Variants in FSTL5 observed in about 807,000 individuals in gnomAD.
The protein encoded by FSTL5 is follistatin like 5.
In FSTL5, 62 loss-of-function variants were observed where a neutral mutation model predicts 89.1. The ratio of observed to expected loss-of-function variants is 0.70; its 90% CI spans 0.57 to 0.86. The LOEUF is 0.86. FSTL5 is among the 40% of genes least tolerant of loss of function. FSTL5 has a pLI of 0.00. For missense variants in FSTL5, 1,057 were observed against 1,001.6 expected, an observed-to-expected ratio of 1.06 and a Z score of -0.75; for synonymous variants, 383 against 346.2, an observed-to-expected ratio of 1.11 and a Z score of -1.18.
At chr4:161,783,494 T>C (rs1741742132) in intron 4 of FSTL5, among the ~76,000 whole-genome samples, 2 of 151,792 alleles carry the variant, frequency 1.3e-5, no homozygotes, top group Non-Finnish European at 2.9e-5. Flanking sequence ...TCTTTCTTTC[T>C]TTCTTTTTTC....
chr4:161,872,133 T>A (rs1261735500), intron 4 of FSTL5, among the ~76,000 whole-genome samples: 1 of 41,598 alleles, frequency 2.4e-5, no homozygotes, highest in Non-Finnish European at 7.4e-5. Context: ...AGTTTGTTTT[T>A]TTTTTTGGTT....
intron 3 of FSTL5, among the ~76,000 whole-genome samples, chr4:162,012,202 G>C (rs534969356): frequency 2.0e-5 from 3 of 152,218 alleles, no homozygotes; most frequent in South Asian, 2.1e-4. Flanking sequence ...ATCCCTACAG[G>C]GTAACAGACA....
chr4:161,895,920 C>T (rs1733144700), intron 4 of FSTL5, among the ~76,000 whole-genome samples: 1 of 152,088 alleles, frequency 6.6e-6, no homozygotes, highest in African/African-American at 2.4e-5. Context: ...GGGGGCATAT[C>T]TACTGCTTTA....
At chr4:161,573,430 AAGAG>A (rs1560960128) in intron 8 of FSTL5, among the ~76,000 whole-genome samples, 1 of 142,200 alleles carries the variant, frequency 7.0e-6, no homozygotes. Flanking sequence ...AAAAAAAAAA[AAGAG>A]AGAGAGAGAT....
chr4:161,702,466 C>T (rs1221511254), intron 6 of FSTL5, among the ~76,000 whole-genome samples: 1 of 152,056 alleles, frequency 6.6e-6, no homozygotes, highest in Non-Finnish European at 1.5e-5. Context: ...CTATTAGCAG[C>T]CATACAGTCA....
intron 6 of FSTL5, among the ~76,000 whole-genome samples, chr4:161,658,681 T>C (rs938409097): frequency 2.0e-5 from 3 of 152,160 alleles, no homozygotes; most frequent in African/African-American, 7.2e-5. Flanking sequence ...AAAGTTGAAA[T>C]CTGCATACAC....
intron 3 of FSTL5, among the ~76,000 whole-genome samples, chr4:161,989,693 C>T (rs758702277): frequency 1.9e-4 from 29 of 152,024 alleles, no homozygotes; most frequent in Admixed American, 3.9e-4. Flanking sequence ...AGTATAGGGA[C>T]AGAGAATGGT....
At chr4:161,943,538 CTTTTTTTTTTTTTTTTTT>C (rs77101651) in intron 3 of FSTL5, among the ~76,000 whole-genome samples, 22 of 34,342 alleles carry the variant, frequency 6.4e-4, no homozygotes, top group Middle Eastern at 0.024. Context: ...ACCACTGTAT[CTTTTTTTTTTTTTTTTTT>C]TTTTTTTTTT....
intron 6 of FSTL5, among the ~76,000 whole-genome samples, chr4:161,689,258 G>T (rs536513279): frequency 2.6e-5 from 4 of 152,054 alleles, no homozygotes; most frequent in Non-Finnish European, 5.9e-5. Flanking sequence ...ATAAGAGAAA[G>T]CATTTTTTTC....
chr4:161,752,699 G>C (rs1399153987), intron 6 of FSTL5, among the ~76,000 whole-genome samples: 1 of 152,122 alleles, frequency 6.6e-6, no homozygotes, highest in Non-Finnish European at 1.5e-5. Context: ...ATGCATTTCA[G>C]TTTTAATTCT....
chr4:161,709,168 G>C (rs901763159), intron 6 of FSTL5, among the ~76,000 whole-genome samples: 2 of 151,976 alleles, frequency 1.3e-5, no homozygotes, highest in Non-Finnish European at 2.9e-5. Flanking sequence ...TTAGTGGACT[G>C]GAGGCAACCT....
At chr4:161,949,971 ATTAG>A (rs1468462701) in intron 3 of FSTL5, among the ~76,000 whole-genome samples, 4 of 152,046 alleles carry the variant, frequency 2.6e-5, no homozygotes, top group Non-Finnish European at 4.4e-5. Flanking sequence ...TCTCTTGATG[ATTAG>A]TTACAGTTTA....
At chr4:161,781,570 G>A (rs753309790) in intron 4 of FSTL5, among the ~76,000 whole-genome samples, 1 of 151,964 alleles carries the variant, frequency 6.6e-6, no homozygotes, top group Non-Finnish European at 1.5e-5. Context: ...TAAATACAGG[G>A]GCATTTTTTA....
intron 4 of FSTL5, among the ~76,000 whole-genome samples, chr4:161,859,695 C>A (rs1731838736): frequency 6.6e-6 from 1 of 152,158 alleles, no homozygotes; most frequent in Non-Finnish European, 1.5e-5. Context: ...TACATTCCTA[C>A]TGCCTTTATT....
intron 15 of FSTL5, among the ~76,000 whole-genome samples, chr4:161,429,695 T>G (rs1385011055): frequency 6.6e-6 from 1 of 152,088 alleles, no homozygotes; most frequent in Non-Finnish European, 1.5e-5. Flanking sequence ...GAACAAAAAC[T>G]TAGATTACAA....
At chr4:161,990,563 T>C (rs971519058) in intron 3 of FSTL5, among the ~76,000 whole-genome samples, 1 of 152,088 alleles carries the variant, frequency 6.6e-6, no homozygotes, top group African/African-American at 2.4e-5. Flanking sequence ...TTAACTTATA[T>C]GCACATAAAT....
At chr4:161,809,993 T>C (rs182656104) in intron 4 of FSTL5, among the ~76,000 whole-genome samples, 37 of 152,266 alleles carry the variant, frequency 2.4e-4, no homozygotes, top group Middle Eastern at 3.4e-3. Context: ...CAGGATATCA[T>C]GGTTTGAATC....
chr4:161,591,422 G>A (rs925979803), intron 7 of FSTL5, among the ~76,000 whole-genome samples: 1 of 152,132 alleles, frequency 6.6e-6, no homozygotes, highest in African/African-American at 2.4e-5. Context: ...ATACTAGAAA[G>A]CACTGAATTG....
In FSTL5 at chr4:162,130,557, A is replaced by G. The variant is rs147389281; in HGVS notation, c.-16-19145T>C. On this transcript the variant is annotated intron_variant, in intron 1 of 15. Transcript: ENST00000306100. ...TTTTCATTCCTAGTTTTTTGTGTTT[A>G]TACAAGCTGCATTAGGGCAAAGAAA... Among the ~76,000 whole-genome samples the G allele has an allele frequency of 1.1e-4, 16 of 152,306 alleles. No individual in the cohort carries two copies. In the East Asian group the frequency reaches 3.1e-3, roughly 29 times the overall value.
Sources: allele counts gnomAD v4.1 joint callset (sites outside exome capture counted in the v4.1 genomes callset), GRCh38; gene constraint gnomAD v4.1.1; transcripts MANE v1.5; gene names NCBI Gene and HGNC (gene_info 2026-07-23, HGNC 2026-07-21).